ZDHHC17: variants seen among roughly 807,000 people sequenced by gnomAD.
ZDHHC17 encodes the protein zDHHC palmitoyltransferase 17.
A neutral mutation model predicts 90.3 loss-of-function variants in ZDHHC17; 40 were observed. That is an observed-to-expected ratio of 0.44 (90% CI 0.34 to 0.58). The LOEUF (loss-of-function observed/expected upper bound fraction) is 0.58. Ranked by LOEUF, ZDHHC17 falls within the 20% of genes least tolerant of loss-of-function variation. The probability of loss-of-function intolerance (pLI) is 0.01; values close to 1 mark genes in which losing one functional copy is unlikely to be tolerated. For synonymous variants in ZDHHC17, 235 were observed against 252.4 expected, an observed-to-expected ratio of 0.93 and a Z score of 0.65; for missense variants, 614 against 780.8, an observed-to-expected ratio of 0.79 and a Z score of 2.55.
chr12:76,847,355 C>T (rs1480596925), intron 14 of ZDHHC17, among the ~76,000 whole-genome samples: 1 of 152,172 alleles, frequency 6.6e-6, no homozygotes, highest in Non-Finnish European at 1.5e-5. Flanking sequence ...TCTAGTCTTC[C>T]TGCCCCACAG....
chr12:76,781,907 G>A (rs572616509), intron 1 of ZDHHC17, among the ~76,000 whole-genome samples: 4 of 152,278 alleles, frequency 2.6e-5, no homozygotes, highest in African/African-American at 9.6e-5. Flanking sequence ...GGTAAGTACT[G>A]TATGATGTAT....
chr12:76,851,078 C>T lies in ZDHHC17; in HGVS notation c.*93C>T. 6.6e-7 allele frequency: 1 copy of T among 1,507,210 alleles called. No homozygotes were observed. Among genetic ancestry groups the T allele is most frequent in the Admixed American group, 2.0e-5 (1 of 50,718 alleles). 93.4% of individuals were successfully genotyped at this position (1,507,210 alleles called of 1,614,324 possible). A position where few individuals can be genotyped will look rare whatever the true frequency, so the allele number is the denominator to read the frequency against. The stretch of plus-strand genomic sequence containing the variant: ...CACACTCGAATCCACATCCTTTGAA[C>T]AAGAGCATGCTATGTGTAGGGCTAA... On this transcript the variant is annotated 3_prime_UTR_variant, in exon 17 of 17. Transcript: ENST00000426126.
intron 3 of ZDHHC17, 79 bp from the exon 4 acceptor site, chr12:76,808,962 CAT>C: frequency 1.2e-6 from 1 of 800,638 alleles, no homozygotes; most frequent in Non-Finnish European, 1.8e-6. Flanking sequence ...AAATAGAAAA[CAT>C]GTATTTACAT....
chr12:76,827,057 GTGT>G lies in ZDHHC17; in HGVS notation c.1040+12_1040+14del, dbSNP rs772450197. On this transcript the variant is annotated splice_region_variant and intron_variant, in intron 9 of 16. Transcript: ENST00000426126. ...CAGTACAGTTTCTTTCAAAGTAAGTGTGTTGTTTTTAACTATATTTTAAACTGT... is the reference window on the plus strand; with the variant it reads ...CAGTACAGTTTCTTTCAAAGTAAGTGTGTTTTTAACTATATTTTAAACTGT... 5 of 1,547,524 alleles carry G rather than the reference GTGT, an allele frequency of 3.2e-6. No individual in the cohort carries two copies. The African/African-American group carries it at 7.1e-5, about 22-fold the overall frequency.
rs542027552 is a variant in ZDHHC17, at chr12:76,814,082, A to G, written c.544-1064A>G. 3.9e-5 allele frequency among the ~76,000 whole-genome samples: 6 copies of G among 152,166 alleles called. No individual in the cohort carries two copies. In the East Asian group the frequency reaches 1.2e-3, roughly 29 times the overall value. On this transcript the variant is annotated intron_variant, in intron 5 of 16. Transcript: ENST00000426126. ...TTTATTTTCAAAGTACTCCAGGTTA[A>G]TGAGACACACATTTCAGGCATAGAG...
chr12:76,845,897 T>C, intron 13 of ZDHHC17, 95 bp downstream of exon 13: 2 of 604,540 alleles, frequency 3.3e-6, no homozygotes, highest in Non-Finnish European at 2.9e-6. Flanking sequence ...AGAAAGTTTA[T>C]TACTCCACGC....
intron 10 of ZDHHC17, among the ~76,000 whole-genome samples, chr12:76,831,722 C>G (rs1413109309): frequency 6.6e-6 from 1 of 152,158 alleles, no homozygotes; most frequent in African/African-American, 2.4e-5. Flanking sequence ...TCATGGCTCA[C>G]TGCTGCCTCA....
chr12:76,780,717 T>C (rs930922448), intron 1 of ZDHHC17, among the ~76,000 whole-genome samples: 19 of 152,206 alleles, frequency 1.2e-4, no homozygotes, highest in African/African-American at 4.3e-4. Flanking sequence ...TCCTGACTTT[T>C]CAATAGCATT....
At chr12:76,838,005 T>C (rs1019949485) in intron 10 of ZDHHC17, among the ~76,000 whole-genome samples, 3 of 152,104 alleles carry the variant, frequency 2.0e-5, no homozygotes, top group African/African-American at 4.8e-5. Flanking sequence ...TTACTGATTG[T>C]CAGTGTTTTT....
At chr12:76,785,341 T>G (rs1349319512) in intron 1 of ZDHHC17, among the ~76,000 whole-genome samples, 1 of 152,196 alleles carries the variant, frequency 6.6e-6, no homozygotes, top group Non-Finnish European at 1.5e-5. Context: ...ATATTTTTAA[T>G]CTTTTGATTC....
At chr12:76,808,222 A>C (rs914033172) in intron 3 of ZDHHC17, among the ~76,000 whole-genome samples, 1 of 152,260 alleles carries the variant, frequency 6.6e-6, no homozygotes. Flanking sequence ...ACATATGTCA[A>C]GTATTTGATA....
At chr12:76,838,399 T>G (rs142697315) in intron 10 of ZDHHC17, among the ~76,000 whole-genome samples, 38 of 152,342 alleles carry the variant, frequency 2.5e-4, no homozygotes, top group African/African-American at 8.9e-4. Context: ...ATTCAGACTT[T>G]TATGTTTTCT....
intron 15 of ZDHHC17, 62 bp downstream of exon 15, chr12:76,848,452 GATA>G: frequency 2.6e-6 from 4 of 1,526,226 alleles, no homozygotes; most frequent in African/African-American, 2.7e-5. Context: ...TTGCATAAAA[GATA>G]ATAATATATT....
At chr12:76,784,155 A>G (rs1454655110) in intron 1 of ZDHHC17, among the ~76,000 whole-genome samples, 2 of 152,254 alleles carry the variant, frequency 1.3e-5, no homozygotes, top group Admixed American at 6.5e-5. Flanking sequence ...ACAGATTTCA[A>G]AAAGTTCATG....
chr12:76,813,242 TA>T (rs1477852369), intron 5 of ZDHHC17: 4 of 364,600 alleles, frequency 1.1e-5, no homozygotes, highest in Non-Finnish European at 2.1e-5. Flanking sequence ...GAAGTCACAA[TA>T]GTTACTTCTC....
In ZDHHC17 at chr12:76,828,019, C is replaced by T. The variant is rs1953250248; in HGVS notation, c.1041-371C>T. ...TGATGAAACAGAGAAAAATGTGAGGCTTGGTTTGGATTCATTTGTCAAAAT... is the reference window on the plus strand; with the variant it reads ...TGATGAAACAGAGAAAAATGTGAGGTTTGGTTTGGATTCATTTGTCAAAAT... On this transcript the variant is annotated intron_variant, in intron 9 of 16. Transcript: ENST00000426126. Among the ~76,000 whole-genome samples the T allele has an allele frequency of 2.0e-5, 3 of 152,058 alleles. No homozygotes were observed. The South Asian group carries it at 6.2e-4, about 32-fold the overall frequency.
At chr12:76,781,048 G>A (rs370852099) in intron 1 of ZDHHC17, among the ~76,000 whole-genome samples, 2 of 150,780 alleles carry the variant, frequency 1.3e-5, no homozygotes, top group Admixed American at 6.7e-5. Flanking sequence ...GCTGGAGAAT[G>A]GTGTGAACCC....
At chr12:76,787,604 C>T (rs1184103746) in intron 1 of ZDHHC17, among the ~76,000 whole-genome samples, 1 of 143,746 alleles carries the variant, frequency 7.0e-6, no homozygotes, top group Non-Finnish European at 1.5e-5. Flanking sequence ...TGAAAACACA[C>T]ACTCTGTCTC....
intron 8 of ZDHHC17, among the ~76,000 whole-genome samples, chr12:76,825,090 A>C (rs1318338304): frequency 6.6e-6 from 1 of 152,120 alleles, no homozygotes; most frequent in Non-Finnish European, 1.5e-5. Context: ...TAAAAGGGCA[A>C]TATGAGGAAT....
Sources: gnomAD v4.1 joint callset for allele counts (sites outside exome capture counted in the v4.1 genomes callset) on GRCh38, gnomAD v4.1.1 for gene constraint, MANE v1.5 for transcripts, NCBI Gene and HGNC (gene_info 2026-07-23, HGNC 2026-07-21) for gene names.